PON1: variants seen among roughly 807,000 people sequenced by gnomAD.
PON1 encodes the protein paraoxonase 1, also known as serum paraoxonase/arylesterase 1.
Under a neutral mutation model 39.2 loss-of-function variants are expected in PON1, and 37 were observed. The observed-to-expected ratio is 0.94, with a 90% CI of 0.73 to 1.24. PON1 has a LOEUF of 1.24. Among genes scored for constraint, PON1 ranks in the 50% most tolerant of loss-of-function variants. PON1 has a pLI of 0.00. For synonymous variants in PON1, 148 were observed against 152.2 expected (o/e 0.97, Z 0.21); for missense variants, 397 against 413.5 (o/e 0.96, Z 0.35).
At chr7:95,302,096 C>CAA (rs770841829) in intron 8 of PON1, 109 bp downstream of exon 8, 11,086 of 307,080 alleles carry the variant, frequency 0.036, 35 homozygotes, top group South Asian at 0.043. Flanking sequence ...TACTCTGTCA[C>CAA]AAAAAAAAAA....
chr7:95,314,969 T>C (rs1197336539), intron 4 of PON1, among the ~76,000 whole-genome samples: 17 of 152,288 alleles, frequency 1.1e-4, no homozygotes, highest in Non-Finnish European at 4.4e-5. Flanking sequence ...ATGCCTTGGG[T>C]TAGAAAAATC....
chr7:95,319,096 C>G (rs988923296), intron 1 of PON1, among the ~76,000 whole-genome samples: 1 of 148,790 alleles, frequency 6.7e-6, no homozygotes, highest in South Asian at 2.1e-4. Flanking sequence ...AAGAAACAGA[C>G]GACGTTAGCA....
rs1464300261 is a variant in PON1, at chr7:95,298,159, A to G, written c.*785T>C. 1 of 152,304 alleles carries G rather than the reference A, an allele frequency of 6.6e-6. No homozygotes were observed. The highest frequency in any genetic ancestry group is 1.9e-4 in the East Asian group (1 of 5,194). 9.4% of individuals were successfully genotyped at this position (152,304 alleles called of 1,614,324 possible). On this transcript the variant is annotated 3_prime_UTR_variant, in exon 9 of 9. Coordinates refer to ENST00000222381, the MANE Select transcript of PON1 (RefSeq NM_000446.7). Reference sequence around the variant, plus strand: ...GACACTTTTAGCTTCGCCCATGTCAATTATGGGATTCATTCTGTATCCAGT... The same window carrying G: ...GACACTTTTAGCTTCGCCCATGTCAGTTATGGGATTCATTCTGTATCCAGT...
intron 5 of PON1, among the ~76,000 whole-genome samples, chr7:95,309,028 A>T (rs570072047): frequency 9.8e-5 from 15 of 152,316 alleles, no homozygotes; most frequent in African/African-American, 3.6e-4. Context: ...GGAGAAAATT[A>T]TCTCTGCTCT....
intron 8 of PON1, among the ~76,000 whole-genome samples, chr7:95,301,580 T>G (rs1046952797): frequency 6.6e-6 from 1 of 152,158 alleles, no homozygotes; most frequent in Non-Finnish European, 1.5e-5. Flanking sequence ...CTCCCTCCCT[T>G]GCTAGCCCTG....
intron 1 of PON1, among the ~76,000 whole-genome samples, chr7:95,323,564 CTTAGAGACTAGGAT>C (rs1173970738): frequency 2.0e-5 from 3 of 151,884 alleles, no homozygotes; most frequent in Admixed American, 1.3e-4. Flanking sequence ...TTGACTAAGC[CTTAGAGACTAGGAT>C]GATCTGTAGA....
In PON1 at chr7:95,311,278, T is replaced by A. The variant is rs116559253; in HGVS notation, c.497+173A>T. On this transcript the variant is annotated intron_variant, in intron 5 of 8. Transcript: ENST00000222381. ...CAAGAGAGGAAAAGAATGGGCCGTC[T>A]CTGAGGGGCTTGAGTCCTCAGAAGG... Among the ~76,000 whole-genome samples, 848 of 152,194 alleles carry A rather than the reference T, an allele frequency of 5.6e-3. 12 individuals carry two copies. Among genetic ancestry groups the A allele is most frequent in the African/African-American group, 0.019 (798 of 41,526 alleles).
At chr7:95,301,393 G>A (rs1310881497) in intron 8 of PON1, among the ~76,000 whole-genome samples, 2 of 152,120 alleles carry the variant, frequency 1.3e-5, no homozygotes, top group Non-Finnish European at 2.9e-5. Context: ...GGACCTGTGC[G>A]TATACCGCCA....
rs975419494 is a variant in PON1 at position 95,316,936 on chromosome 7, A to G, written c.146-147T>C. 2.3e-5 allele frequency: 16 copies of G among 699,474 alleles called. No individual in the cohort carries two copies. In the Middle Eastern group the frequency reaches 2.2e-3, roughly 95 times the overall value. 43.3% of individuals were successfully genotyped at this position (699,474 alleles called of 1,614,324 possible). On this transcript the variant is annotated intron_variant, in intron 2 of 8. Coordinates refer to ENST00000222381, the MANE Select transcript of PON1 (RefSeq NM_000446.7). ...AATAATTCATTCTTTCATTTATTCA[A>G]ATTGATGAATGCGATTATATGGAAA...
intron 5 of PON1, 94 bp downstream of exon 5, chr7:95,311,357 C>T: frequency 7.0e-7 from 1 of 1,436,748 alleles, no homozygotes; most frequent in Non-Finnish European, 9.7e-7. Context: ...GAGAGTTGAA[C>T]AGCCATACCT....
At chr7:95,319,119 T>C (rs1044406599) in intron 1 of PON1, among the ~76,000 whole-genome samples, 7 of 138,782 alleles carry the variant, frequency 5.0e-5, no homozygotes, top group African/African-American at 1.6e-4. Flanking sequence ...ACCAAGAGAT[T>C]TAAACAATAA....
At position 95,311,726 on chromosome 7, in the gene PON1, G is replaced by T. The variant is rs1157745; in HGVS notation, c.371-149C>A. On this transcript the variant is annotated intron_variant, in intron 4 of 8. Transcript: ENST00000222381. The stretch of plus-strand genomic sequence containing the variant: ...TCATCTCTTTGTAGAGAGAAGCATT[G>T]GTGATTGCTCCTGTTCCAAACAAAA... The T allele has an allele frequency of 0.34, 291,777 of 854,286 alleles. 58,094 individuals carry two copies. The highest frequency in any genetic ancestry group is 0.67 in the African/African-American group (39,406 of 58,756). The allele number at this position is 854,286 out of a possible 1,614,324, so 52.9% of individuals were successfully genotyped here.
At chr7:95,304,049 A>G (rs1017312892) in intron 7 of PON1, among the ~76,000 whole-genome samples, 2 of 152,128 alleles carry the variant, frequency 1.3e-5, no homozygotes, top group Admixed American at 6.5e-5. Context: ...GTATATTCAC[A>G]ATGTTGTGCA....
intron 6 of PON1, 58 bp downstream of exon 6, chr7:95,307,953 T>TCCA: frequency 1.4e-6 from 2 of 1,466,418 alleles, no homozygotes; most frequent in Non-Finnish European, 1.9e-6. Flanking sequence ...AAGAATATAT[T>TCCA]CCAAGATATC....
intron 1 of PON1, among the ~76,000 whole-genome samples, chr7:95,323,455 A>T (rs1807944851): frequency 6.6e-6 from 1 of 152,056 alleles, no homozygotes; most frequent in Admixed American, 6.5e-5. Flanking sequence ...AATAGTAAAA[A>T]CCCATTCTGA....
Position 95,298,958 on chromosome 7 carries a change from A to G in PON1, c.1054T>C (p.Tyr352His), listed in dbSNP as rs773862277. 5.0e-6 allele frequency: 8 copies of G among 1,614,012 alleles called. No individual in the cohort carries two copies. Among genetic ancestry groups the G allele is most frequent in the Non-Finnish European group, 6.8e-6 (8 of 1,180,018 alleles). Residue 352 changes from tyrosine (Y) to histidine (H), a missense_variant, in exon 9 of 9, where the codon TAC (tyrosine) becomes CAC (histidine). Coordinates refer to ENST00000222381, the MANE Select transcript of PON1 (RefSeq NM_000446.7). ...LIGTVFHKAL[Y>H]CEL ...AAATCGGTCTGTTAGAGCTCACAGTAAAGAGCTTTGTGAAACACTGTGCCA... is the reference window on the plus strand; with the variant it reads ...AAATCGGTCTGTTAGAGCTCACAGTGAAGAGCTTTGTGAAACACTGTGCCA...
At chr7:95,308,296 T>A in intron 5 of PON1, 85 bp from the exon 6 acceptor site, 1 of 1,303,152 alleles carries the variant, frequency 7.7e-7, no homozygotes. Context: ...TCACTGTCTA[T>A]TCCTAAAATC....
At chr7:95,302,357 A>G in intron 7 of PON1, 24 bp from the exon 8 acceptor site, 1 of 1,592,820 alleles carries the variant, frequency 6.3e-7, no homozygotes, top group Non-Finnish European at 8.6e-7. Context: ...AAACAAGAAA[A>G]GAACAAGACA....
At chr7:95,301,454 T>C (rs1807418507) in intron 8 of PON1, among the ~76,000 whole-genome samples, 1 of 152,096 alleles carries the variant, frequency 6.6e-6, no homozygotes, top group South Asian at 2.1e-4. Context: ...GATTAAACCA[T>C]AGCAGTATGG....
Sources: gnomAD v4.1 joint callset for allele counts (sites outside exome capture counted in the v4.1 genomes callset) on GRCh38, gnomAD v4.1.1 for gene constraint, MANE v1.5 for transcripts, NCBI Gene and HGNC (gene_info 2026-07-23, HGNC 2026-07-21) for gene names.